The following ST7 variants were observed in gnomAD, a reference collection of about 807,000 sequenced individuals.
ST7 encodes the protein suppressor of tumorigenicity 7 protein.
In ST7, 28 loss-of-function variants were observed where a neutral mutation model predicts 78.7. That is an observed-to-expected ratio of 0.36 (90% confidence interval 0.26 to 0.49). The LOEUF (loss-of-function observed/expected upper bound fraction) is 0.49. Among genes scored for constraint, ST7 ranks in the 20% least tolerant of loss-of-function variants. The pLI, the probability that ST7 is intolerant of heterozygous loss-of-function variation, is 0.99. For missense variants in ST7, 418 were observed against 696.0 expected (o/e 0.60, Z 4.49); for synonymous variants, 247 against 249.6 (o/e 0.99, Z 0.10).
chr7:117,145,937 C>T (rs937912206), intron 9 of ST7, among the ~76,000 whole-genome samples: 6 of 152,174 alleles, frequency 3.9e-5, no homozygotes, highest in African/African-American at 1.4e-4. Context: ...TGTGTTCTTA[C>T]ATTTGGCTCC....
chr7:117,213,653 C>A (rs970266245), intron 13 of ST7, among the ~76,000 whole-genome samples: 24 of 150,026 alleles, frequency 1.6e-4, no homozygotes, highest in Non-Finnish European at 3.4e-4. Flanking sequence ...AAAAAAAAAA[C>A]AAAACTGAAT....
chr7:117,107,846 C>G (rs1383526680), intron 2 of ST7, among the ~76,000 whole-genome samples: 1 of 151,832 alleles, frequency 6.6e-6, no homozygotes, highest in Non-Finnish European at 1.5e-5. Flanking sequence ...AACTTCTGAC[C>G]TCAGGTGACC....
At chr7:117,115,747 AT>A (rs1331479882) in intron 2 of ST7, among the ~76,000 whole-genome samples, 2 of 151,852 alleles carry the variant, frequency 1.3e-5, no homozygotes, top group East Asian at 3.8e-4. Flanking sequence ...TTTCCACTGG[AT>A]TTTTTTCCCC....
intron 10 of ST7, chr7:117,182,888 T>G (rs376100687): frequency 2.0e-5 from 3 of 152,338 alleles, no homozygotes; most frequent in Admixed American, 1.3e-4. Flanking sequence ...TACAGAAGAT[T>G]GCTATAGAAG....
chr7:117,042,562 A>G (rs1411970276), intron 1 of ST7, among the ~76,000 whole-genome samples: 1 of 152,180 alleles, frequency 6.6e-6, no homozygotes, highest in African/African-American at 2.4e-5. Flanking sequence ...CTCTGTCTTT[A>G]TTCCCTATTA....
chr7:117,139,543 T>C (rs1805091858), intron 9 of ST7, among the ~76,000 whole-genome samples: 1 of 152,072 alleles, frequency 6.6e-6, no homozygotes, highest in Non-Finnish European at 1.5e-5. Context: ...CACTCAACGC[T>C]CACCCCTGGT....
At chr7:117,095,944 T>G (rs1157929838) in intron 1 of ST7, among the ~76,000 whole-genome samples, 2 of 151,824 alleles carry the variant, frequency 1.3e-5, no homozygotes, top group African/African-American at 4.8e-5. Context: ...GGCAGGTGCC[T>G]GCAATCTCAG....
chr7:117,049,023 A>G (rs1750400637), intron 1 of ST7, among the ~76,000 whole-genome samples: 1 of 152,238 alleles, frequency 6.6e-6, no homozygotes. Flanking sequence ...AGGACAGAGC[A>G]TTGATGGAAC....
chr7:117,136,416 A>T, intron 8 of ST7, 181 bp downstream of exon 8: 1 of 678,870 alleles, frequency 1.5e-6, no homozygotes, highest in South Asian at 1.9e-5. Context: ...ATTAACTTAC[A>T]GCTTCATTGC....
At chr7:117,171,752 T>G (rs1380922259) in intron 10 of ST7, among the ~76,000 whole-genome samples, 2 of 152,136 alleles carry the variant, frequency 1.3e-5, no homozygotes, top group Non-Finnish European at 2.9e-5. Context: ...TTCATACTAT[T>G]CTGCCTCATT....
At chr7:116,975,904 G>C (rs941946390) in intron 1 of ST7, among the ~76,000 whole-genome samples, 1 of 152,070 alleles carries the variant, frequency 6.6e-6, no homozygotes, top group African/African-American at 2.4e-5. Context: ...ACTTTACTGG[G>C]TATTGCCAGA....
chr7:117,171,105 C>T, intron 10 of ST7, 129 bp downstream of exon 10: 1 of 480,020 alleles, frequency 2.1e-6, no homozygotes, highest in Non-Finnish European at 3.6e-6. Context: ...TTTTCACCTA[C>T]AGTTTTATGA....
chr7:117,132,020 A>AGCAAAG, intron 6 of ST7, 60 bp downstream of exon 6: 1 of 1,465,582 alleles, frequency 6.8e-7, no homozygotes, highest in Non-Finnish European at 9.5e-7. Flanking sequence ...GAATATATTC[A>AGCAAAG]GTTGCCATTG....
At chr7:116,970,550 G>C (rs899133908) in intron 1 of ST7, among the ~76,000 whole-genome samples, 3 of 152,122 alleles carry the variant, frequency 2.0e-5, no homozygotes, top group African/African-American at 4.8e-5. Flanking sequence ...AAGCTTTCTC[G>C]TGTCTCTTCT....
At chr7:117,192,820 C>T (rs1332685562) in intron 12 of ST7, among the ~76,000 whole-genome samples, 1 of 152,172 alleles carries the variant, frequency 6.6e-6, no homozygotes, top group Non-Finnish European at 1.5e-5. Context: ...TTAAGGCTGC[C>T]ATGGAAGAAT....
intron 9 of ST7, among the ~76,000 whole-genome samples, chr7:117,162,717 C>G (rs1175769699): frequency 6.6e-6 from 1 of 151,916 alleles, no homozygotes; most frequent in Non-Finnish European, 1.5e-5. Context: ...TATGAAACTT[C>G]TTTTATGAAG....
intron 1 of ST7, chr7:116,972,456 G>A: frequency 1.3e-6 from 1 of 782,052 alleles, no homozygotes; most frequent in Non-Finnish European, 2.2e-6. Flanking sequence ...CTCGGCAACG[G>A]TACTCTGCCA....
chr7:117,101,051 G>T (rs1164440662), intron 2 of ST7, among the ~76,000 whole-genome samples: 1 of 152,140 alleles, frequency 6.6e-6, no homozygotes, highest in East Asian at 1.9e-4. Flanking sequence ...AGCTTGTGAG[G>T]AGCCAGAGTA....
chr7:116,964,525 G>A (rs900464942), intron 1 of ST7, among the ~76,000 whole-genome samples: 4 of 152,110 alleles, frequency 2.6e-5, no homozygotes, highest in East Asian at 3.8e-4. Flanking sequence ...GTTGGGGAGC[G>A]TGTGTATGTT....
Sources: gnomAD v4.1 joint callset for allele counts (sites outside exome capture counted in the v4.1 genomes callset) on GRCh38, gnomAD v4.1.1 for gene constraint, MANE v1.5 for transcripts, NCBI Gene and HGNC (gene_info 2026-07-23, HGNC 2026-07-21) for gene names.